Variants in PPIP5K2 observed in about 807,000 individuals in gnomAD.
PPIP5K2 encodes the protein diphosphoinositol pentakisphosphate kinase 2, also known as inositol hexakisphosphate and diphosphoinositol-pentakisphosphate kinase 2.
PPIP5K2 carries 105 observed loss-of-function variants against 154.6 expected under a neutral mutation model. The observed-to-expected ratio is 0.68, with a 90% CI of 0.58 to 0.80. PPIP5K2 has a LOEUF of 0.80. PPIP5K2 is among the 30% of genes least tolerant of loss of function. PPIP5K2 has a pLI of 0.00. For synonymous variants in PPIP5K2, 480 were observed against 490.3 expected (o/e 0.98, Z 0.28); for missense variants, 992 against 1,504.6 (o/e 0.66, Z 5.64).
chr5:103,164,149 T>C (rs1209619615), intron 17 of PPIP5K2, among the ~76,000 whole-genome samples: 2 of 152,000 alleles, frequency 1.3e-5, no homozygotes, highest in African/African-American at 2.4e-5. Context: ...TCAATATTAT[T>C]AAATTATATT....
At chr5:103,201,152 A>C (rs1213781575) in intron 30 of PPIP5K2, among the ~76,000 whole-genome samples, 1 of 152,234 alleles carries the variant, frequency 6.6e-6, no homozygotes, top group Non-Finnish European at 1.5e-5. Context: ...TCTTTAAAGA[A>C]AGTTTCAATT....
Position 103,173,159 on chromosome 5 carries a change from AT to A in PPIP5K2, c.2292del (p.Tyr764Ter), listed in dbSNP as rs781928194. On this transcript the variant is annotated frameshift_variant, in exon 20 of 31. Transcript: ENST00000358359. LOFTEE classifies it high-confidence loss of function. ...ALADIVIPQE[Y>X]GITKAEKLEI... Reference sequence around the variant, plus strand: ...TGTCATGTATTTTTTGCTCAGGAATATGGTATAACTAAAGCTGAAAAACTGG... The same window carrying A: ...TGTCATGTATTTTTTGCTCAGGAATAGGTATAACTAAAGCTGAAAAACTGG... 2 of 1,595,676 alleles carry A rather than the reference AT, an allele frequency of 1.3e-6. No individual in the cohort carries two copies.
intron 17 of PPIP5K2, among the ~76,000 whole-genome samples, chr5:103,160,811 A>C (rs1554215377): frequency 6.6e-6 from 1 of 152,116 alleles, no homozygotes; most frequent in East Asian, 1.9e-4. Flanking sequence ...AGTTGCCATG[A>C]ATATCCTGGT....
At chr5:103,163,562 C>G (rs1281723362) in intron 17 of PPIP5K2, among the ~76,000 whole-genome samples, 1 of 151,612 alleles carries the variant, frequency 6.6e-6, no homozygotes, top group Non-Finnish European at 1.5e-5. Context: ...TTCTTGCTTT[C>G]CATAGGTAGG....
chr5:103,198,952 A>ATT (rs59180837), intron 30 of PPIP5K2, among the ~76,000 whole-genome samples: 9 of 149,152 alleles, frequency 6.0e-5, no homozygotes, highest in African/African-American at 2.2e-4. Context: ...ATCTTTTTGC[A>ATT]TTTTTTTTTG....
At chr5:103,132,556 A>G (rs1554202988) in intron 2 of PPIP5K2, among the ~76,000 whole-genome samples, 1 of 152,120 alleles carries the variant, frequency 6.6e-6, no homozygotes, top group Non-Finnish European at 1.5e-5. Context: ...AAAAAAAAAA[A>G]TTAATTAATT....
At chr5:103,174,209 T>C in intron 21 of PPIP5K2, 1 of 342,208 alleles carries the variant, frequency 2.9e-6, no homozygotes, top group Non-Finnish European at 5.3e-6. Flanking sequence ...GGTGATTTTA[T>C]AGACTGGTGG....
intron 25 of PPIP5K2, 126 bp from the exon 26 acceptor site, chr5:103,184,546 T>C: frequency 1.6e-6 from 1 of 645,050 alleles, no homozygotes; most frequent in Non-Finnish European, 2.6e-6. Flanking sequence ...ATGTTTTATG[T>C]ATTTCTACTA....
chr5:103,137,309 C>G (rs1554204724), intron 4 of PPIP5K2, among the ~76,000 whole-genome samples: 1 of 151,802 alleles, frequency 6.6e-6, no homozygotes, highest in African/African-American at 2.4e-5. Context: ...ATTACAGGCG[C>G]CCGCCACCAC....
rs781944031 is a variant in PPIP5K2 at position 103,186,328 on chromosome 5, T to C, written c.3178T>C (p.Cys1060Arg). The C allele has an allele frequency of 6.2e-7, 1 of 1,613,664 alleles. No homozygotes were observed. The highest frequency in any genetic ancestry group is 1.1e-5 in the South Asian group (1 of 91,090). ...QKQNPTVGSHCAGLFSTSVLG... is the reference protein window; with the variant it reads ...QKQNPTVGSHRAGLFSTSVLG... ...TCTCTAACTCCCATCAGGGTCTCAC[T>C]GTGCGGGCCTGTTTAGCACCTCGGT... Residue 1060 changes from cysteine (C) to arginine (R), a missense_variant, in exon 27 of 31, where the codon TGT becomes CGT. Physicochemically the swap from Cys to Arg is radical, Grantham distance 180. Coordinates refer to ENST00000358359, the MANE Select transcript of PPIP5K2 (RefSeq NM_001276277.3).
intron 1 of PPIP5K2, among the ~76,000 whole-genome samples, chr5:103,123,359 C>T (rs1283269331): frequency 6.6e-6 from 1 of 152,184 alleles, no homozygotes; most frequent in Non-Finnish European, 1.5e-5. Context: ...CAATTGTTCT[C>T]ATAGTGTGAT....
intron 27 of PPIP5K2, among the ~76,000 whole-genome samples, chr5:103,186,885 A>G (rs1800474099): frequency 6.6e-6 from 1 of 152,180 alleles, no homozygotes; most frequent in Admixed American, 6.6e-5. Flanking sequence ...ATATTTTAGG[A>G]TCACTAGCTG....
intron 12 of PPIP5K2, 25 bp from the exon 13 acceptor site, chr5:103,154,809 A>ACCT: frequency 6.5e-7 from 1 of 1,545,842 alleles, no homozygotes; most frequent in Non-Finnish European, 8.7e-7. Context: ...ATAAAAATTC[A>ACCT]ATTTTTTATT....
chr5:103,181,574 A>T (rs139316374), intron 24 of PPIP5K2, among the ~76,000 whole-genome samples: 3 of 152,144 alleles, frequency 2.0e-5, no homozygotes, highest in East Asian at 1.9e-4. Flanking sequence ...TCTGTCTCAA[A>T]AAATAAATAA....
At chr5:103,147,816 G>A (rs1160261047) in intron 6 of PPIP5K2, 115 bp from the exon 7 acceptor site, 7 of 649,424 alleles carry the variant, frequency 1.1e-5, no homozygotes, top group African/African-American at 1.9e-5. Context: ...ATTAAAAAAT[G>A]TATTTGAAAA....
chr5:103,178,263 A>G (rs944776230), intron 23 of PPIP5K2, among the ~76,000 whole-genome samples: 1 of 152,000 alleles, frequency 6.6e-6, no homozygotes, highest in Admixed American at 6.6e-5. Context: ...TTTTGGATGT[A>G]GTACATGTGA....
chr5:103,194,888 A>T lies in PPIP5K2; in HGVS notation c.3494-12A>T. 6.3e-7 allele frequency: 1 copy of T among 1,597,390 alleles called. No individual in the cohort carries two copies. The highest frequency in any genetic ancestry group is 2.2e-5 in the East Asian group (1 of 44,616). On this transcript the variant is annotated splice_polypyrimidine_tract_variant and intron_variant, in intron 29 of 30. Coordinates refer to ENST00000358359, the MANE Select transcript of PPIP5K2 (RefSeq NM_001276277.3). ...AATTATTAAATTAACATGTTTGTTT[A>T]TTTTTTTTCAGCCTCTACAGCTTTA... is the stretch of plus-strand genomic sequence containing the variant.
chr5:103,133,393 T>C (rs1042010300), intron 2 of PPIP5K2, 60 bp from the exon 3 acceptor site: 49 of 1,429,446 alleles, frequency 3.4e-5, no homozygotes, highest in Middle Eastern at 4.9e-4. Flanking sequence ...CAAATGAAGA[T>C]AGCTGTACTT....
chr5:103,209,686 C>T lies in PPIP5K2; in HGVS notation c.*8052C>T, dbSNP rs527506080. On this transcript the variant is annotated 3_prime_UTR_variant, in exon 31 of 31. Coordinates refer to ENST00000358359, the MANE Select transcript of PPIP5K2 (RefSeq NM_001276277.3). ...GAAAGTTTTTTGCTGCTTTTAAAAG[C>T]CATAGATTTGTCTTAAGTTAGTCAA... 6.6e-6 allele frequency: 1 copy of T among 151,672 alleles called. No individual in the cohort carries two copies. Among genetic ancestry groups the T allele is most frequent in the Non-Finnish European group, 1.5e-5 (1 of 67,932 alleles). The allele number at this position is 151,672 out of a possible 1,614,324, so 9.4% of individuals were successfully genotyped here. A position where few individuals can be genotyped will look rare whatever the true frequency, so the allele number is the denominator to read the frequency against.
Sources: allele counts gnomAD v4.1 joint callset (sites outside exome capture counted in the v4.1 genomes callset), GRCh38; gene constraint gnomAD v4.1.1; transcripts MANE v1.5; gene names NCBI Gene and HGNC (gene_info 2026-07-23, HGNC 2026-07-21).